The following CCSER1 variants were observed in gnomAD, a reference collection of about 807,000 sequenced individuals.
The protein encoded by CCSER1 is serine-rich coiled-coil domain-containing protein 1.
In CCSER1, 41 loss-of-function variants were observed where a neutral mutation model predicts 82.0. The observed-to-expected ratio is 0.50, with a 90% CI of 0.39 to 0.65. The LOEUF is 0.65. Ranked by LOEUF, CCSER1 falls within the 30% of genes least tolerant of loss-of-function variation. The probability of loss-of-function intolerance (pLI) is 0.00; values close to 1 mark genes in which losing one functional copy is unlikely to be tolerated. For synonymous variants in CCSER1, 414 were observed against 383.9 expected (o/e 1.08, Z -0.92); for missense variants, 1,119 against 1,064.2 (o/e 1.05, Z -0.72).
intron 1 of CCSER1, among the ~76,000 whole-genome samples, chr4:90,268,620 A>G (rs1725679338): frequency 6.6e-6 from 1 of 152,116 alleles, no homozygotes; most frequent in South Asian, 2.1e-4. Context: ...GGAGACAGAA[A>G]GGAAGAAAAG....
In CCSER1 at chr4:91,293,367, G is replaced by T. The variant is rs976768152; in HGVS notation, c.2217+207373G>T. ...GCAACCACTTAATTGAGGGTCTTTT[G>T]TTATTATCAATGTTGTAAAATTTAA... On this transcript the variant is annotated intron_variant, in intron 10 of 10. Transcript: ENST00000509176. 9.9e-5 allele frequency among the ~76,000 whole-genome samples: 15 copies of T among 152,052 alleles called. 1 individual carries two copies. The highest frequency in any genetic ancestry group is 9.2e-4 in the Admixed American group (14 of 15,228).
intron 10 of CCSER1, among the ~76,000 whole-genome samples, chr4:91,272,846 T>C (rs1342399051): frequency 6.6e-6 from 1 of 152,218 alleles, no homozygotes; most frequent in East Asian, 1.9e-4. Context: ...ATTTTTTGAA[T>C]AGTGTGTGCT....
chr4:91,279,574 GT>G (rs1742752175), intron 10 of CCSER1, among the ~76,000 whole-genome samples: 1 of 151,892 alleles, frequency 6.6e-6, no homozygotes, highest in Non-Finnish European at 1.5e-5. Flanking sequence ...GAATTCATCA[GT>G]TTAACAGTTT....
chr4:91,161,749 A>AT (rs1435515323), intron 10 of CCSER1, among the ~76,000 whole-genome samples: 2 of 152,052 alleles, frequency 1.3e-5, no homozygotes, highest in Non-Finnish European at 2.9e-5. Context: ...TTGCACATTG[A>AT]TTTTCTATCC....
chr4:90,609,871 C>T (rs1475879224), intron 5 of CCSER1, among the ~76,000 whole-genome samples: 2 of 152,112 alleles, frequency 1.3e-5, no homozygotes, highest in African/African-American at 4.8e-5. Context: ...TTATTTTACT[C>T]CTTACTTGGG....
At chr4:90,735,895 T>A (rs931367606) in intron 7 of CCSER1, among the ~76,000 whole-genome samples, 7 of 152,104 alleles carry the variant, frequency 4.6e-5, no homozygotes, top group African/African-American at 1.7e-4. Flanking sequence ...TAGGTTTGGG[T>A]ATGTTGTGTT....
chr4:90,558,650 G>C (rs183448361), intron 5 of CCSER1, among the ~76,000 whole-genome samples: 1 of 152,156 alleles, frequency 6.6e-6, no homozygotes, highest in East Asian at 1.9e-4. Context: ...TGTGATAGGT[G>C]TTTCAAAGAT....
intron 9 of CCSER1, among the ~76,000 whole-genome samples, chr4:90,988,099 TTGGG>T (rs1736716397): frequency 2.0e-5 from 3 of 151,422 alleles, no homozygotes; most frequent in African/African-American, 7.3e-5. Flanking sequence ...GGAGAATCAC[TTGGG>T]CCTAGGATTT....
At chr4:90,662,543 C>T (rs374803477) in intron 6 of CCSER1, among the ~76,000 whole-genome samples, 20 of 152,162 alleles carry the variant, frequency 1.3e-4, no homozygotes, top group South Asian at 1.2e-3. Context: ...GTCTCATATA[C>T]TAAGGCACAT....
At chr4:90,564,687 G>GAGTTTT (rs144118282) in intron 5 of CCSER1, among the ~76,000 whole-genome samples, 57 of 143,722 alleles carry the variant, frequency 4.0e-4, no homozygotes, top group Middle Eastern at 3.5e-3. Flanking sequence ...AATTCATTTT[G>GAGTTTT]TTTTTTTTTT....
intron 10 of CCSER1, among the ~76,000 whole-genome samples, chr4:91,359,356 A>G (rs897949716): frequency 6.6e-6 from 1 of 151,746 alleles, no homozygotes. Context: ...CTTTGGTTTT[A>G]CTTCCTTGTT....
chr4:90,612,442 T>C (rs970184076), intron 5 of CCSER1, among the ~76,000 whole-genome samples: 1 of 152,134 alleles, frequency 6.6e-6, no homozygotes, highest in African/African-American at 2.4e-5. Context: ...TGAGTAAACA[T>C]TAATGTGTTG....
chr4:90,932,603 G>A (rs895940392), intron 9 of CCSER1, among the ~76,000 whole-genome samples: 6 of 151,900 alleles, frequency 3.9e-5, no homozygotes, highest in Admixed American at 1.3e-4. Context: ...CCAGGCGGGC[G>A]AATCACCCGA....
chr4:90,703,691 C>T (rs1163510302), intron 6 of CCSER1, among the ~76,000 whole-genome samples: 2 of 152,214 alleles, frequency 1.3e-5, no homozygotes, highest in Non-Finnish European at 2.9e-5. Flanking sequence ...GGATAGTTAG[C>T]TCTTCTTGTT....
chr4:90,212,278 T>C (rs1044434378), intron 1 of CCSER1, among the ~76,000 whole-genome samples: 2 of 152,312 alleles, frequency 1.3e-5, no homozygotes, highest in Middle Eastern at 3.4e-3. Flanking sequence ...CTCCACCCAA[T>C]ATACAAATTG....
At chr4:90,504,674 C>A (rs1005727684) in intron 5 of CCSER1, among the ~76,000 whole-genome samples, 1 of 151,988 alleles carries the variant, frequency 6.6e-6, no homozygotes. Flanking sequence ...CCTCATATAG[C>A]AAAGTGTAAA....
At chr4:91,198,577 A>T (rs1474300936) in intron 10 of CCSER1, among the ~76,000 whole-genome samples, 2 of 152,162 alleles carry the variant, frequency 1.3e-5, no homozygotes, top group Non-Finnish European at 2.9e-5. Context: ...AGTAACGGGG[A>T]TAGAATCTGT....
chr4:90,733,752 G>C (rs1017418173), intron 7 of CCSER1, among the ~76,000 whole-genome samples: 10 of 152,036 alleles, frequency 6.6e-5, no homozygotes, highest in Non-Finnish European at 7.4e-5. Context: ...TGGATATCTA[G>C]GTTTTCTGGC....
intron 1 of CCSER1, among the ~76,000 whole-genome samples, chr4:90,304,624 A>G (rs1733867041): frequency 6.6e-6 from 1 of 152,088 alleles, no homozygotes; most frequent in South Asian, 2.1e-4. Flanking sequence ...CAGGAAGGGG[A>G]ACATCACACT....
Sources: allele counts gnomAD v4.1 joint callset (sites outside exome capture counted in the v4.1 genomes callset), GRCh38; gene constraint gnomAD v4.1.1; transcripts MANE v1.5; gene names NCBI Gene and HGNC (gene_info 2026-07-23, HGNC 2026-07-21).